Variants in CIC observed in about 807,000 individuals in gnomAD.
CIC encodes capicua transcriptional repressor, also known as protein capicua homolog.
CIC carries 18 observed loss-of-function variants against 115.7 expected under a neutral mutation model. The ratio of observed to expected loss-of-function variants is 0.16; its 90% confidence interval spans 0.11 to 0.23. CIC has a LOEUF of 0.23. Ranked by LOEUF, CIC falls within the 10% of genes least tolerant of loss-of-function variation. The probability of loss-of-function intolerance (pLI) is 1.00; values close to 1 mark genes in which losing one functional copy is unlikely to be tolerated. For missense variants in CIC, 2,000 were observed against 2,159.3 expected (o/e 0.93, Z 1.46); for synonymous variants, 1,076 against 923.0 (o/e 1.17, Z -3.01).
intron 17 of CIC, 31 bp downstream of exon 17, chr19:42,293,867 T>C (rs761894903): frequency 6.2e-7 from 1 of 1,613,036 alleles, no homozygotes; most frequent in Non-Finnish European, 8.5e-7. Context: ...TGGTGGAGCG[T>C]GTTAGGGTGG....
intron 2 of CIC, among the ~76,000 whole-genome samples, chr19:42,275,236 C>G (rs2036928745): frequency 6.6e-6 from 1 of 152,132 alleles, no homozygotes; most frequent in Non-Finnish European, 1.5e-5. Context: ...AGGTCCTTCC[C>G]AGGAGGTGGC....
chr19:42,290,373 T>C lies in CIC; in HGVS notation c.4332T>C (p.Ser1444=), dbSNP rs1328123824. 1.1e-5 allele frequency: 17 copies of C among 1,613,958 alleles called. No individual in the cohort carries two copies. Among genetic ancestry groups the C allele is most frequent in the Non-Finnish European group, 1.4e-5 (16 of 1,179,972 alleles). ...GKGYGSAPSS[S]ASSPASSSAS... ...GCTATGGTTCCGCCCCATCCTCCTC[T>C]GCGTCCTCGCCTGCTTCCTCCTCAG... The change falls in exon 11 of 21, where the codon TCT becomes TCC. Residue 1444 remains serine, a synonymous_variant. Coordinates refer to ENST00000681038, the MANE Select transcript of CIC (RefSeq NM_001386298.1).
Position 42,280,459 on chromosome 19 carries a change from T to G in CIC, c.2794+5882T>G, listed in dbSNP as rs1249394924. The stretch of plus-strand genomic sequence containing the variant: ...TCCCGCGCGCCCCTGGGTGCAGACC[T>G]CCTGTGTCGGGCCTCCGTCCTTCTC... On this transcript the variant is annotated intron_variant, in intron 2 of 20. Transcript: ENST00000681038. The surrounding 1 kb of genome is among the most constrained non-coding windows in gnomAD (Gnocchi z 4.9). Among the ~76,000 whole-genome samples, 1 of 152,036 alleles carries G rather than the reference T, an allele frequency of 6.6e-6. No individual in the cohort carries two copies. The highest frequency in any genetic ancestry group is 1.9e-4 in the East Asian group (1 of 5,158).
rs769221637 is a variant in CIC at position 42,289,209 on chromosome 19, G to C, written c.3890G>C (p.Gly1297Ala). The C allele has an allele frequency of 1.9e-6, 3 of 1,613,222 alleles. No homozygotes were observed. The Admixed American group carries it at 5.0e-5, about 27-fold the overall frequency. Residue 1297 changes from glycine to alanine, a missense_variant, in exon 9 of 21, where the codon GGC (glycine) becomes GCC (alanine). By Grantham distance (60) the Gly-to-Ala change is moderately conservative. Around this residue, in one of 8 missense-constraint regions of CIC, gnomAD observed 1,466 missense variants for 1,390.4 expected, o/e 1.05. Coordinates refer to ENST00000681038, the MANE Select transcript of CIC (RefSeq NM_001386298.1). ...GTGTCTGGCCCTGCATCGTACTCTG[G>C]CCCAAAGCCTTCTACCCAGTATGGA... ...QMVSGPASYS[G>A]PKPSTQYGAP...
chr19:42,275,191 T>C (rs1445056408), intron 2 of CIC, among the ~76,000 whole-genome samples: 7 of 151,992 alleles, frequency 4.6e-5, no homozygotes. Flanking sequence ...GTGGTCATAG[T>C]GCTGGATTAC....
Position 42,292,387 on chromosome 19 carries a change from C to T in CIC, c.5823C>T (p.Tyr1941=), listed in dbSNP as rs146077012. ...GCCAGGCTGGAACAGTCACCTCGTA[C>T]GGGCCCACGAGCTCTGTAGCTCTAG... The part of the protein sequence containing the change: ...ASSQAGTVTS[Y]GPTSSVALGF... Residue 1941 remains tyrosine, a synonymous_variant, in exon 14 of 21, where the codon TAC becomes TAT. Coordinates refer to ENST00000681038, the MANE Select transcript of CIC (RefSeq NM_001386298.1). 5.1e-5 allele frequency: 82 copies of T among 1,612,652 alleles called. No individual in the cohort carries two copies. In the African/African-American group the frequency reaches 5.5e-4, roughly 11 times the overall value.
intron 1 of CIC, among the ~76,000 whole-genome samples, chr19:42,269,677 G>A (rs976148551): frequency 6.6e-6 from 1 of 150,960 alleles, no homozygotes; most frequent in African/African-American, 2.4e-5. Context: ...GTGATGGGGA[G>A]AGAAGGTGAC....
chr19:42,269,236 T>A (rs1035498516), upstream of CIC: 1 of 150,622 alleles, frequency 6.6e-6, no homozygotes, highest in Admixed American at 6.6e-5. Context: ...CTGCTCCAGC[T>A]GTTGCAGGTC....
In CIC at chr19:42,290,961, C is replaced by T. The variant is rs777877549; in HGVS notation, c.4920C>T (p.Asp1640=). The part of the protein sequence containing the change: ...SPLGVSLVYS[D]KKSAAATSPA... The stretch of plus-strand genomic sequence containing the variant: ...TGGGTGTCAGCTTAGTGTATTCGGA[C>T]AAGAAGTCGGCAGCAGCCACCTCAC... The change falls in exon 11 of 21, where the codon GAC becomes GAT. Residue 1640 remains aspartate, a synonymous_variant. Coordinates refer to ENST00000681038, the MANE Select transcript of CIC (RefSeq NM_001386298.1). 1.9e-6 allele frequency: 3 copies of T among 1,613,638 alleles called. No individual in the cohort carries two copies. The Admixed American group carries it at 5.0e-5, about 27-fold the overall frequency.
chr19:42,291,837 A>C, intron 12 of CIC, 92 bp downstream of exon 12: 1 of 1,490,928 alleles, frequency 6.7e-7, no homozygotes, highest in Non-Finnish European at 9.3e-7. Flanking sequence ...CTCCTTCTCC[A>C]TGTATCTGGT....
In CIC at chr19:42,293,246, G is replaced by A; in HGVS notation, c.6487G>A (p.Glu2163Lys). The A allele has an allele frequency of 6.3e-7, 1 of 1,591,546 alleles. No homozygotes were observed. The highest frequency in any genetic ancestry group is 8.5e-7 in the Non-Finnish European group (1 of 1,170,622). ...CAGCCCCCCACTGCCCCCACCTGCTGAGGAGCGGACCAGCGCCAAGGGCCC... is the reference window on the plus strand; with the variant it reads ...CAGCCCCCCACTGCCCCCACCTGCTAAGGAGCGGACCAGCGCCAAGGGCCC... ...RSSPPLPPPA[E>K]ERTSAKGPET... Residue 2163 changes from glutamate (E) to lysine (K), a missense_variant, in exon 16 of 21, where the codon GAG becomes AAG. By Grantham distance (56) the Glu-to-Lys change is moderately conservative. This residue lies in a region of CIC where 1,466 missense variants were observed against 1,390.4 expected (regional missense o/e 1.05). Transcript: ENST00000681038.
chr19:42,278,251 C>T (rs1255256072), intron 2 of CIC, among the ~76,000 whole-genome samples: 3 of 152,268 alleles, frequency 2.0e-5, no homozygotes, highest in Non-Finnish European at 2.9e-5. Flanking sequence ...CCTGCAGCCC[C>T]AGTCCAGGAG....
At chr19:42,293,882 A>G in intron 17 of CIC, 46 bp downstream of exon 17, 1 of 1,612,982 alleles carries the variant, frequency 6.2e-7, no homozygotes, top group Non-Finnish European at 8.5e-7. Flanking sequence ...GGGTGGCGGG[A>G]GTGGGAGCAG....
At position 42,291,716 on chromosome 19, in the gene CIC, G is replaced by C. The variant is rs2147283219; in HGVS notation, c.5584G>C (p.Val1862Leu). 6.2e-7 allele frequency: 1 copy of C among 1,612,994 alleles called. No homozygotes were observed. Among genetic ancestry groups the C allele is most frequent in the South Asian group, 1.1e-5 (1 of 91,086 alleles). The change falls in exon 12 of 21, where the codon GTG becomes CTG. Residue 1862 changes from valine (V) to leucine (L), a missense_variant. Around this residue, in one of 8 missense-constraint regions of CIC, gnomAD observed 1,466 missense variants for 1,390.4 expected, o/e 1.05. Transcript: ENST00000681038. ...PLVSPPFSVPVQNGAQPPSKI... is the reference protein window; with the variant it reads ...PLVSPPFSVPLQNGAQPPSKI... ...GGTGAGCCCGCCCTTCTCAGTACCT[G>C]TGCAGAATGGTGCCCAGCCCCCCAG...
In CIC at chr19:42,293,083, G is replaced by A. The variant is rs2147320037; in HGVS notation, c.6324G>A (p.Arg2108=). Residue 2108 remains arginine (R), a synonymous_variant, in exon 16 of 21, where the codon CGG becomes CGA. Transcript: ENST00000681038. The part of the protein sequence containing the change: ...VGSFEAGASG[R]PGPAPRQPLE... ...CCTTTGAGGCAGGTGCCTCTGGGCGGCCTGGCCCTGCACCCCGGCAGCCTC... is the reference window on the plus strand; with the variant it reads ...CCTTTGAGGCAGGTGCCTCTGGGCGACCTGGCCCTGCACCCCGGCAGCCTC... The A allele has an allele frequency of 1.2e-6, 2 of 1,610,696 alleles. No homozygotes were observed. Among genetic ancestry groups the A allele is most frequent in the South Asian group, 1.1e-5 (1 of 90,892 alleles).
At chr19:42,283,711 C>T (rs1241440151) in intron 2 of CIC, among the ~76,000 whole-genome samples, 1 of 152,050 alleles carries the variant, frequency 6.6e-6, no homozygotes, top group Non-Finnish European at 1.5e-5. Flanking sequence ...ACTGGACACA[C>T]AACAGCACCA....
chr19:42,277,806 T>G (rs532820309), intron 2 of CIC, among the ~76,000 whole-genome samples: 5 of 152,318 alleles, frequency 3.3e-5, no homozygotes, highest in African/African-American at 1.2e-4. Context: ...CTGGCAGTTC[T>G]GAGGAGCGCC....
chr19:42,276,597 A>G (rs2036987418), intron 2 of CIC, among the ~76,000 whole-genome samples: 1 of 152,200 alleles, frequency 6.6e-6, no homozygotes, highest in African/African-American at 2.4e-5. Flanking sequence ...CCTGATGTTC[A>G]TATACAGAAC....
In CIC at chr19:42,290,396, C is replaced by T. The variant is rs1236337069; in HGVS notation, c.4355C>T (p.Ser1452Leu). Residue 1452 changes from serine to leucine, a missense_variant, in exon 11 of 21, where the codon TCA becomes TTA. By Grantham distance (145) the Ser-to-Leu change is moderately radical. Around this residue, in one of 8 missense-constraint regions of CIC, gnomAD observed 1,466 missense variants for 1,390.4 expected, o/e 1.05. Transcript: ENST00000681038. ...SSSASSPASS[S>L]ASAATSFSLG... Reference sequence around the variant, plus strand: ...TCTGCGTCCTCGCCTGCTTCCTCCTCAGCCTCGGCAGCCACCTCCTTCTCA... The same window carrying T: ...TCTGCGTCCTCGCCTGCTTCCTCCTTAGCCTCGGCAGCCACCTCCTTCTCA... The T allele has an allele frequency of 6.2e-7, 1 of 1,614,108 alleles. No homozygotes were observed. Among genetic ancestry groups the T allele is most frequent in the South Asian group, 1.1e-5 (1 of 91,082 alleles).
Sources: gnomAD v4.1 joint callset for allele counts (sites outside exome capture counted in the v4.1 genomes callset) on GRCh38, gnomAD v4.1.1 for gene constraint, gnomAD v4.1.1 regional missense constraint, Gnocchi (gnomAD v3.1) non-coding constraint, MANE v1.5 for transcripts, NCBI Gene and HGNC (gene_info 2026-07-23, HGNC 2026-07-21) for gene names.